Variants in CNIH3 observed in about 807,000 individuals in gnomAD.
CNIH3 encodes cornichon family AMPA receptor auxiliary protein 3, also known as protein cornichon homolog 3.
CNIH3 carries 14 observed loss-of-function variants against 24.1 expected under a neutral mutation model. That is an observed-to-expected ratio of 0.58 (90% CI 0.38 to 0.91). The LOEUF (loss-of-function observed/expected upper bound fraction) is 0.91. Among genes scored for constraint, CNIH3 ranks in the 40% least tolerant of loss-of-function variants. The probability of loss-of-function intolerance (pLI) is 0.00; values close to 1 mark genes in which losing one functional copy is unlikely to be tolerated. For synonymous variants in CNIH3, 68 were observed against 73.8 expected, an observed-to-expected ratio of 0.92 and a Z score of 0.40; for missense variants, 178 against 196.8, an observed-to-expected ratio of 0.90 and a Z score of 0.57.
At chr1:224,575,738 A>G (rs1321081054) in intron 4 of CNIH3, among the ~76,000 whole-genome samples, 2 of 151,970 alleles carry the variant, frequency 1.3e-5, no homozygotes, top group Non-Finnish European at 2.9e-5. Context: ...CCTCAAATAA[A>G]TGTGCTTTTT....
chr1:224,679,993 G>T (rs1256017763), intron 1 of CNIH3, among the ~76,000 whole-genome samples: 7 of 152,166 alleles, frequency 4.6e-5, no homozygotes, highest in Non-Finnish European at 8.8e-5. Flanking sequence ...ATTTTTAGTA[G>T]AGACGGGATT....
At chr1:224,677,471 G>T (rs1686193666) in intron 1 of CNIH3, among the ~76,000 whole-genome samples, 1 of 152,224 alleles carries the variant, frequency 6.6e-6, no homozygotes, top group African/African-American at 2.4e-5. Context: ...GCCACTGGGT[G>T]TAGGGACGCT....
intron 1 of CNIH3, among the ~76,000 whole-genome samples, chr1:224,439,731 C>T (rs1674811193): frequency 6.6e-6 from 1 of 152,002 alleles, no homozygotes; most frequent in African/African-American, 2.4e-5. Context: ...CCTACCTCAG[C>T]CTCCCGAGTA....
intron 3 of CNIH3, among the ~76,000 whole-genome samples, chr1:224,722,419 T>C (rs891499853): frequency 2.0e-5 from 3 of 152,156 alleles, no homozygotes; most frequent in Non-Finnish European, 4.4e-5. Flanking sequence ...GGGACTCTAT[T>C]TTGGGAATCA....
chr1:224,605,258 G>A (rs1230165334), intron 3 of CNIH3, among the ~76,000 whole-genome samples: 1 of 152,184 alleles, frequency 6.6e-6, no homozygotes, highest in African/African-American at 2.4e-5. Flanking sequence ...GGTTTCACCA[G>A]GGACCCACCC....
chr1:224,636,762 C>T (rs1684103583), intron 1 of CNIH3, among the ~76,000 whole-genome samples: 2 of 152,140 alleles, frequency 1.3e-5, no homozygotes, highest in South Asian at 2.1e-4. Context: ...AGGAGAAAGA[C>T]GTTGATTGAA....
chr1:224,658,099 C>T (rs554461095), intron 1 of CNIH3, among the ~76,000 whole-genome samples: 9 of 152,286 alleles, frequency 5.9e-5, no homozygotes, highest in Non-Finnish European at 1.3e-4. Context: ...TAATATGTCT[C>T]TCTTGGAATT....
intron 1 of CNIH3, among the ~76,000 whole-genome samples, chr1:224,653,933 T>C (rs1340447370): frequency 6.6e-6 from 1 of 151,866 alleles, no homozygotes; most frequent in East Asian, 1.9e-4. Context: ...ATGAAAAAAT[T>C]AGCTGGGACT....
chr1:224,543,927 G>A (rs1249387108), intron 2 of CNIH3, among the ~76,000 whole-genome samples: 2 of 152,120 alleles, frequency 1.3e-5, no homozygotes, highest in Non-Finnish European at 2.9e-5. Flanking sequence ...ACCTACAGCA[G>A]TAACTGGATT....
At chr1:224,649,826 C>T (rs1221500981) in intron 1 of CNIH3, among the ~76,000 whole-genome samples, 1 of 152,202 alleles carries the variant, frequency 6.6e-6, no homozygotes, top group East Asian at 1.9e-4. Flanking sequence ...GCTTGCTCTT[C>T]ACTGCTTGTA....
At chr1:224,637,639 A>G (rs1448181887) in intron 1 of CNIH3, among the ~76,000 whole-genome samples, 1 of 152,236 alleles carries the variant, frequency 6.6e-6, no homozygotes, top group East Asian at 1.9e-4. Flanking sequence ...CTGGCTCAGT[A>G]CAGTCTCACA....
chr1:224,452,402 A>G (rs1321602609), intron 1 of CNIH3, among the ~76,000 whole-genome samples: 1 of 151,956 alleles, frequency 6.6e-6, no homozygotes, highest in African/African-American at 2.4e-5. Context: ...CACCCACTTC[A>G]GCCTTACAAA....
At chr1:224,461,927 A>G (rs1198556952) in intron 1 of CNIH3, among the ~76,000 whole-genome samples, 1 of 152,136 alleles carries the variant, frequency 6.6e-6, no homozygotes, top group African/African-American at 2.4e-5. Context: ...GGCTTCTTTC[A>G]CTTAGCACAG....
intron 4 of CNIH3, among the ~76,000 whole-genome samples, chr1:224,568,723 C>T (rs1465273076): frequency 6.6e-6 from 1 of 152,106 alleles, no homozygotes; most frequent in Non-Finnish European, 1.5e-5. Flanking sequence ...CATTGCATTC[C>T]AGCCTGGGTG....
At chr1:224,533,170 A>G (rs115772729) in intron 2 of CNIH3, among the ~76,000 whole-genome samples, 362 of 152,180 alleles carry the variant, frequency 2.4e-3, no homozygotes, top group African/African-American at 8.4e-3. Context: ...ATGCTCTGGC[A>G]AAGTCATAGA....
At chr1:224,443,711 A>ATATTTTTT (rs1329474503) in intron 1 of CNIH3, among the ~76,000 whole-genome samples, 1 of 149,534 alleles carries the variant, frequency 6.7e-6, no homozygotes, top group African/African-American at 2.4e-5. Context: ...ATATATATAT[A>ATATTTTTT]TTTTTTTAGG....
chr1:224,722,803 C>G (rs1688794066), intron 3 of CNIH3, among the ~76,000 whole-genome samples: 1 of 152,194 alleles, frequency 6.6e-6, no homozygotes, highest in South Asian at 2.1e-4. Context: ...AACAGCCAGG[C>G]TGTAGAGCAG....
chr1:224,574,626 G>C, intron 4 of CNIH3: 1 of 858,440 alleles, frequency 1.2e-6, no homozygotes, highest in Non-Finnish European at 2.0e-6. Flanking sequence ...GAAGCTCAGG[G>C]AGCAGGTGGT....
At chr1:224,674,897 C>A (rs542077906) in intron 1 of CNIH3, among the ~76,000 whole-genome samples, 16 of 152,198 alleles carry the variant, frequency 1.1e-4, no homozygotes, top group African/African-American at 3.4e-4. Flanking sequence ...TTCTCTCTCC[C>A]TCTGGTGCTG....
Sources: allele counts gnomAD v4.1 joint callset (sites outside exome capture counted in the v4.1 genomes callset), GRCh38; gene constraint gnomAD v4.1.1; transcripts MANE v1.5; gene names NCBI Gene and HGNC (gene_info 2026-07-23, HGNC 2026-07-21).